The following TRUB1 variants were observed in gnomAD, a reference collection of about 807,000 sequenced individuals.
The protein encoded by TRUB1 is TruB pseudouridine synthase family member 1.
In TRUB1, 23 loss-of-function variants were observed where a neutral mutation model predicts 33.9. The ratio of observed to expected loss-of-function variants is 0.68; its 90% CI spans 0.49 to 0.96. The LOEUF (loss-of-function observed/expected upper bound fraction) is 0.96. Among genes scored for constraint, TRUB1 ranks in the 40% least tolerant of loss-of-function variants. The pLI is 0.00. For missense variants in TRUB1, 378 were observed against 422.2 expected (o/e 0.90, Z 0.92); for synonymous variants, 163 against 165.4 (o/e 0.99, Z 0.11).
At chr10:114,958,085 G>A (rs571316385) in intron 3 of TRUB1, among the ~76,000 whole-genome samples, 1 of 152,292 alleles carries the variant, frequency 6.6e-6, no homozygotes, top group Admixed American at 6.5e-5. Context: ...TTAAGATAAG[G>A]AAATTAAGCT....
chr10:114,972,088 A>G, intron 5 of TRUB1, 47 bp from the exon 6 acceptor site: 2 of 1,604,166 alleles, frequency 1.2e-6, no homozygotes, highest in East Asian at 2.2e-5. Context: ...ATCCCTCTCA[A>G]TTCTTGCTCT....
chr10:114,976,549 A>G lies in TRUB1; in HGVS notation c.*1170A>G, dbSNP rs908897577. 1 of 152,190 alleles carries G rather than the reference A, an allele frequency of 6.6e-6. No individual in the cohort carries two copies. 9.4% of individuals were successfully genotyped at this position (152,190 alleles called of 1,614,324 possible). On this transcript the variant is annotated 3_prime_UTR_variant, in exon 8 of 8. Transcript: ENST00000298746. The stretch of plus-strand genomic sequence containing the variant: ...TCTTCCTTTACTCAAATACAGTTTC[A>G]AAAGGAAGACTCATGAGAAATTTCA...
chr10:114,939,614 G>C (rs1427206954), intron 1 of TRUB1, among the ~76,000 whole-genome samples: 1 of 152,188 alleles, frequency 6.6e-6, no homozygotes, highest in African/African-American at 2.4e-5. Context: ...GGGCAAATAG[G>C]TACACTCCTG....
At chr10:114,939,210 A>G (rs534513453) in intron 1 of TRUB1, among the ~76,000 whole-genome samples, 9 of 152,340 alleles carry the variant, frequency 5.9e-5, no homozygotes, top group African/African-American at 2.2e-4. Context: ...TTATTCACGT[A>G]CACTGGGAAA....
chr10:114,942,280 A>C (rs1268329056), intron 1 of TRUB1, among the ~76,000 whole-genome samples: 1 of 152,168 alleles, frequency 6.6e-6, no homozygotes, highest in African/African-American at 2.4e-5. Context: ...GTATCTTTCT[A>C]TATAAAAATT....
Position 114,959,766 on chromosome 10 carries a change from C to A in TRUB1, c.482C>A (p.Thr161Lys), listed in dbSNP as rs151175881. 6.2e-7 allele frequency: 1 copy of A among 1,609,408 alleles called. No homozygotes were observed. The highest frequency in any genetic ancestry group is 2.2e-5 in the East Asian group (1 of 44,836). ...GGAGAACTGGGGAAAGCTACTGATA[C>A]ACTAGATTCTACGGGGAGGGTAACA... ...AIGELGKATDTLDSTGRVTEE... is the reference protein window; with the variant it reads ...AIGELGKATDKLDSTGRVTEE... Residue 161 changes from threonine to lysine, a missense_variant, in exon 4 of 8, where the codon ACA (threonine) becomes AAA (lysine). By Grantham distance (78) the Thr-to-Lys change is moderately conservative (BLOSUM62 -1). Coordinates refer to ENST00000298746, the MANE Select transcript of TRUB1 (RefSeq NM_139169.5).
At chr10:114,966,973 T>A (rs942791573) in intron 4 of TRUB1, among the ~76,000 whole-genome samples, 24 of 152,244 alleles carry the variant, frequency 1.6e-4, no homozygotes, top group African/African-American at 5.3e-4. Flanking sequence ...AGTTTCTTCA[T>A]TCTGGATGGT....
chr10:114,953,889 C>T (rs568911386), intron 3 of TRUB1, among the ~76,000 whole-genome samples: 245 of 152,160 alleles, frequency 1.6e-3, no homozygotes, highest in African/African-American at 5.5e-3. Context: ...GCAGGGAGGG[C>T]ACCAAGCAAT....
At chr10:114,962,683 G>A (rs77097237) in intron 4 of TRUB1, among the ~76,000 whole-genome samples, 7,732 of 152,186 alleles carry the variant, frequency 0.051, 242 homozygotes, top group African/African-American at 0.072. Context: ...GAGGATCGTA[G>A]AACACAATGA....
intron 1 of TRUB1, 70 bp downstream of exon 1, chr10:114,938,609 C>A (rs369287108): frequency 2.1e-6 from 3 of 1,419,764 alleles, no homozygotes; most frequent in East Asian, 2.4e-5. Context: ...AGGCTTTTTG[C>A]GACGCTCGTG....
chr10:114,968,430 TGAC>T (rs1450900383), intron 4 of TRUB1, among the ~76,000 whole-genome samples: 1 of 152,242 alleles, frequency 6.6e-6, no homozygotes, highest in African/African-American at 2.4e-5. Flanking sequence ...TTATCAACAG[TGAC>T]ATTTCCTTCA....
chr10:114,975,006 A>G lies in TRUB1; in HGVS notation c.794-117A>G, dbSNP rs1277581246. 3 of 1,205,112 alleles carry G rather than the reference A, an allele frequency of 2.5e-6. No individual in the cohort carries two copies. The African/African-American group carries it at 4.6e-5, about 19-fold the overall frequency. 74.7% of individuals were successfully genotyped at this position (1,205,112 alleles called of 1,614,324 possible). A position where few individuals can be genotyped will look rare whatever the true frequency, so the allele number is the denominator to read the frequency against. On this transcript the variant is annotated intron_variant, in intron 7 of 7. Transcript: ENST00000298746. ...CTCTTGGTTCTTATATTGGATTATT[A>G]TACTTTTGGGTGGTTTTGAGAGATT...
At chr10:114,964,316 TTG>T (rs10573201) in intron 4 of TRUB1, among the ~76,000 whole-genome samples, 11,205 of 151,542 alleles carry the variant, frequency 0.074, 1,313 homozygotes, top group African/African-American at 0.25. Context: ...TACCCATTTT[TTG>T]TTTTTTCTTT....
Position 114,942,653 on chromosome 10 carries a change from A to G in TRUB1, c.295A>G (p.Met99Val), listed in dbSNP as rs1172141197. The G allele has an allele frequency of 6.2e-7, 1 of 1,612,568 alleles. No homozygotes were observed. The highest frequency in any genetic ancestry group is 1.1e-5 in the South Asian group (1 of 91,004). Reference sequence around the variant, plus strand: ...CCCCATTTCTCTCATAGAAGCTGGAATGCCTTCTCCAGAATGGACCAAGAG... The same window carrying G: ...CCCCATTTCTCTCATAGAAGCTGGAGTGCCTTCTCCAGAATGGACCAAGAG... ...LKEKLLAEAG[M>V]PSPEWTKRKK... is the part of the protein sequence containing the mutation. The change falls in exon 2 of 8, where the codon ATG becomes GTG. Residue 99 changes from methionine (M) to valine (V), a missense_variant. Coordinates refer to ENST00000298746, the MANE Select transcript of TRUB1 (RefSeq NM_139169.5).
At chr10:114,943,475 A>C (rs760174414) in intron 2 of TRUB1, among the ~76,000 whole-genome samples, 1 of 152,160 alleles carries the variant, frequency 6.6e-6, no homozygotes. Context: ...GTGTTCAGTG[A>C]GCCGAGATCG....
intron 4 of TRUB1, among the ~76,000 whole-genome samples, chr10:114,966,771 G>A (rs1353126783): frequency 6.6e-6 from 1 of 152,146 alleles, no homozygotes; most frequent in Non-Finnish European, 1.5e-5. Flanking sequence ...ATATAGAAAT[G>A]GAGTTGATTT....
intron 6 of TRUB1, 47 bp downstream of exon 6, chr10:114,972,321 A>C: frequency 6.5e-7 from 1 of 1,549,666 alleles, no homozygotes; most frequent in Non-Finnish European, 8.7e-7. Flanking sequence ...TGTATTTTTA[A>C]TTTGTATTTG....
At chr10:114,942,418 C>A (rs1322272826) in intron 1 of TRUB1, among the ~76,000 whole-genome samples, 1 of 152,132 alleles carries the variant, frequency 6.6e-6, no homozygotes, top group Non-Finnish European at 1.5e-5. Context: ...ATGAATTCTA[C>A]TGTCTTGATA....
Position 114,951,895 on chromosome 10 carries a change from C to T in TRUB1, c.441+746C>T, listed in dbSNP as rs145993458. On this transcript the variant is annotated intron_variant, in intron 3 of 7. Coordinates refer to ENST00000298746, the MANE Select transcript of TRUB1 (RefSeq NM_139169.5). ...TCCTGGAATAAACTTTGTTTTAAAA[C>T]TCTTGCTCTAAATGTGATATAAATT... is the stretch of plus-strand genomic sequence containing the variant. 2.8e-3 allele frequency among the ~76,000 whole-genome samples: 433 copies of T among 152,242 alleles called. 1 individual carries two copies. The highest frequency in any genetic ancestry group is 9.7e-3 in the African/African-American group (403 of 41,526).
Sources: allele counts gnomAD v4.1 joint callset (sites outside exome capture counted in the v4.1 genomes callset), GRCh38; gene constraint gnomAD v4.1.1; transcripts MANE v1.5; gene names NCBI Gene and HGNC (gene_info 2026-07-23, HGNC 2026-07-21).